PLCE1: variants seen among roughly 807,000 people sequenced by gnomAD.
The protein encoded by PLCE1 is phospholipase C epsilon 1, also known as 1-phosphatidylinositol 4,5-bisphosphate phosphodiesterase epsilon-1.
PLCE1 carries 119 observed loss-of-function variants against 242.8 expected under a neutral mutation model. The ratio of observed to expected loss-of-function variants is 0.49; its 90% CI spans 0.42 to 0.57. PLCE1 has a LOEUF of 0.57. Ranked by LOEUF, PLCE1 falls within the 20% of genes least tolerant of loss-of-function variation. The pLI is 0.00. For synonymous variants in PLCE1, 945 were observed against 1,017.4 expected (o/e 0.93, Z 1.35); for missense variants, 2,441 against 2,788.8 (o/e 0.88, Z 2.81).
intron 2 of PLCE1, among the ~76,000 whole-genome samples, chr10:94,098,611 A>G (rs1391454913): frequency 6.6e-6 from 1 of 152,248 alleles, no homozygotes; most frequent in Non-Finnish European, 1.5e-5. Flanking sequence ...TCCAAATATT[A>G]CATTTGACTG....
intron 1 of PLCE1, among the ~76,000 whole-genome samples, chr10:94,028,404 C>T (rs1589877873): frequency 6.6e-6 from 1 of 152,108 alleles, no homozygotes; most frequent in South Asian, 2.1e-4. Context: ...CAGCAGATTA[C>T]CCCCAGAGCA....
chr10:94,310,528 C>G (rs2053355511), intron 27 of PLCE1, among the ~76,000 whole-genome samples: 1 of 152,090 alleles, frequency 6.6e-6, no homozygotes. Flanking sequence ...TTTAGAAGAG[C>G]ACTTTGGCCA....
chr10:93,994,953 T>G (rs1221678098), intron 1 of PLCE1, among the ~76,000 whole-genome samples: 1 of 152,240 alleles, frequency 6.6e-6, no homozygotes, highest in Non-Finnish European at 1.5e-5. Flanking sequence ...TTCGAAAAGT[T>G]TTATTTGCAC....
intron 20 of PLCE1, among the ~76,000 whole-genome samples, chr10:94,282,604 C>T (rs541114397): frequency 9.2e-5 from 14 of 152,224 alleles, no homozygotes; most frequent in South Asian, 2.1e-4. Flanking sequence ...GTTTACATTT[C>T]GTTTACTGCT....
At chr10:94,273,306 C>A (rs2051819120) in intron 18 of PLCE1, among the ~76,000 whole-genome samples, 1 of 152,156 alleles carries the variant, frequency 6.6e-6, no homozygotes, top group South Asian at 2.1e-4. Context: ...GAATATTTTC[C>A]TAAATAGTTA....
At chr10:94,184,956 T>C (rs1369891615) in intron 4 of PLCE1, among the ~76,000 whole-genome samples, 2 of 152,250 alleles carry the variant, frequency 1.3e-5, no homozygotes, top group African/African-American at 4.8e-5. Context: ...AATAGTATTT[T>C]ATGAATAATG....
intron 2 of PLCE1, among the ~76,000 whole-genome samples, chr10:94,064,303 C>A (rs2044140608): frequency 6.6e-6 from 1 of 152,208 alleles, no homozygotes; most frequent in Admixed American, 6.5e-5. Flanking sequence ...TGTAATCTAG[C>A]ACTTTGGGAG....
Position 94,316,678 on chromosome 10 carries a change from G to C in PLCE1, c.6264G>C (p.Glu2088Asp). 1 of 1,613,966 alleles carries C rather than the reference G, an allele frequency of 6.2e-7. No individual in the cohort carries two copies. The highest frequency in any genetic ancestry group is 1.1e-5 in the South Asian group (1 of 91,072). ...QPFQRAIGPE[E>D]EIMQILSSWF... ...TCCAGAGAGCCATTGGTCCAGAAGAGGAGATCATGCAAATTTTAAGCAGCT... is the reference window on the plus strand; with the variant it reads ...TCCAGAGAGCCATTGGTCCAGAAGACGAGATCATGCAAATTTTAAGCAGCT... Residue 2088 changes from glutamate to aspartate, a missense_variant, in exon 29 of 33, where the codon GAG (glutamate) becomes GAC (aspartate). By Grantham distance (45) the Glu-to-Asp change is conservative. Transcript: ENST00000371380.
At chr10:94,164,374 A>T (rs184936285) in intron 3 of PLCE1, among the ~76,000 whole-genome samples, 3 of 152,156 alleles carry the variant, frequency 2.0e-5, no homozygotes, top group African/African-American at 4.8e-5. Context: ...TTTCTCTGAA[A>T]TTCTCTTCTC....
chr10:94,114,128 T>G (rs951224192), intron 2 of PLCE1, among the ~76,000 whole-genome samples: 1 of 152,162 alleles, frequency 6.6e-6, no homozygotes, highest in Non-Finnish European at 1.5e-5. Flanking sequence ...AACCTTACAT[T>G]CTTTGAATGG....
At chr10:94,089,496 T>C (rs2044979629) in intron 2 of PLCE1, 1 of 668,020 alleles carries the variant, frequency 1.5e-6, no homozygotes, top group Non-Finnish European at 2.3e-6. Flanking sequence ...TCTGAGACAT[T>C]TTACAAAGAA....
intron 2 of PLCE1, among the ~76,000 whole-genome samples, chr10:94,059,141 G>A (rs961778586): frequency 1.3e-5 from 2 of 152,202 alleles, no homozygotes; most frequent in Non-Finnish European, 2.9e-5. Flanking sequence ...AACTAGACAT[G>A]TGGAAAGGAA....
At position 94,031,843 on chromosome 10, in the gene PLCE1, T is replaced by C; in HGVS notation, c.797T>C (p.Phe266Ser). 2.5e-6 allele frequency: 4 copies of C among 1,613,878 alleles called. No homozygotes were observed. The highest frequency in any genetic ancestry group is 1.7e-5 in the Admixed American group (1 of 59,982). ...CDTLNDKYFCFEGSCEKVDMV... is the reference protein window; with the variant it reads ...CDTLNDKYFCSEGSCEKVDMV... ...ACCTTGAATGATAAATACTTTTGCT[T>C]TGAAGGCTCTTGTGAGAAGGTTGAC... Residue 266 changes from phenylalanine (F) to serine (S), a missense_variant, in exon 2 of 33, where the codon TTT becomes TCT. Physicochemically the swap from Phe to Ser is radical, Grantham distance 155 (BLOSUM62 -2). This residue lies in a region of PLCE1 where 393 missense variants were observed against 378.5 expected (regional missense o/e 1.04). Coordinates refer to ENST00000371380, the MANE Select transcript of PLCE1 (RefSeq NM_016341.4).
At position 94,265,691 on chromosome 10, in the gene PLCE1, A is replaced by G. The variant is rs766850525; in HGVS notation, c.4098A>G (p.Ser1366=). 7 of 1,613,630 alleles carry G rather than the reference A, an allele frequency of 4.3e-6. No homozygotes were observed. The highest frequency in any genetic ancestry group is 1.3e-5 in the African/African-American group (1 of 74,878). Residue 1366 remains serine, a synonymous_variant, in exon 15 of 33, where the codon TCA becomes TCG. Transcript: ENST00000371380. The stretch of plus-strand genomic sequence containing the variant: ...GTATGTGTCATCAGGGACTAATGTC[A>G]TTTGAAGGGTTTGCCAGGTAACTTT... ...SISMCHQGLM[S]FEGFARFLMD...
In PLCE1 at chr10:94,291,816, G is replaced by A. The variant is rs559883676; in HGVS notation, c.5036-1692G>A. ...TGTTGTTATCGGTAAGTGAGCCAACGGGGTAGATGAAGGTTCTTTGTTGCT... is the reference window on the plus strand; with the variant it reads ...TGTTGTTATCGGTAAGTGAGCCAACAGGGTAGATGAAGGTTCTTTGTTGCT... On this transcript the variant is annotated intron_variant, in intron 22 of 32. Transcript: ENST00000371380. 3.3e-5 allele frequency among the ~76,000 whole-genome samples: 5 copies of A among 152,254 alleles called. No individual in the cohort carries two copies. The South Asian group carries it at 6.2e-4, about 19-fold the overall frequency.
intron 7 of PLCE1, among the ~76,000 whole-genome samples, chr10:94,245,224 C>T (rs537040549): frequency 6.6e-6 from 1 of 152,264 alleles, no homozygotes; most frequent in East Asian, 1.9e-4. Context: ...GAACAAATTA[C>T]TTTCCCTTTC....
At chr10:94,118,676 C>G (rs2046212198) in intron 2 of PLCE1, among the ~76,000 whole-genome samples, 1 of 152,178 alleles carries the variant, frequency 6.6e-6, no homozygotes, top group South Asian at 2.1e-4. Context: ...GTGAGGCCTC[C>G]CCAGTCATGT....
chr10:94,211,050 G>C (rs1336226726), intron 4 of PLCE1, among the ~76,000 whole-genome samples: 1 of 152,208 alleles, frequency 6.6e-6, no homozygotes, highest in African/African-American at 2.4e-5. Context: ...GCCACCTCTT[G>C]GACTCCGTTC....
Position 94,322,429 on chromosome 10 carries a change from T to C in PLCE1, c.6501+370T>C, listed in dbSNP as rs185063586. On this transcript the variant is annotated intron_variant, in intron 30 of 32. Transcript: ENST00000371380. ...AGTTTGGGAGGCTGAGGGGGGCAGA[T>C]CACTTGAGCTCATGAGTTTGAGACC... Among the ~76,000 whole-genome samples, 4 of 151,706 alleles carry C rather than the reference T, an allele frequency of 2.6e-5. No homozygotes were observed. The East Asian group carries it at 7.8e-4, about 30-fold the overall frequency.
Sources: gnomAD v4.1 joint callset for allele counts (sites outside exome capture counted in the v4.1 genomes callset) on GRCh38, gnomAD v4.1.1 for gene constraint, gnomAD v4.1.1 regional missense constraint, MANE v1.5 for transcripts, NCBI Gene and HGNC (gene_info 2026-07-23, HGNC 2026-07-21) for gene names.